CHRM3: variants seen among roughly 807,000 people sequenced by gnomAD.
CHRM3 encodes the protein muscarinic acetylcholine receptor M3.
In CHRM3, 11 loss-of-function variants were observed where a neutral mutation model predicts 41.8. The ratio of observed to expected loss-of-function variants is 0.26; its 90% CI spans 0.17 to 0.44. The LOEUF (loss-of-function observed/expected upper bound fraction) is 0.44, where lower values mean the gene tolerates loss of function less well. Among genes scored for constraint, CHRM3 ranks in the 20% least tolerant of loss-of-function variants. CHRM3 has a pLI of 1.00. For missense variants in CHRM3, 571 were observed against 745.4 expected (o/e 0.77, Z 2.72); for synonymous variants, 297 against 301.4 (o/e 0.99, Z 0.15).
chr1:239,758,879 TGTAA>T (rs1230532375), intron 5 of CHRM3, among the ~76,000 whole-genome samples: 1 of 152,140 alleles, frequency 6.6e-6, no homozygotes, highest in Non-Finnish European at 1.5e-5. Flanking sequence ...GTCACAGAAA[TGTAA>T]GTGAGACAGG....
chr1:239,698,064 A>G (rs1338955318), intron 5 of CHRM3, among the ~76,000 whole-genome samples: 1 of 152,198 alleles, frequency 6.6e-6, no homozygotes, highest in African/African-American at 2.4e-5. Context: ...AGAATTATTC[A>G]TACACAGGAG....
intron 3 of CHRM3, among the ~76,000 whole-genome samples, chr1:239,604,496 G>C (rs994464426): frequency 2.0e-5 from 3 of 152,158 alleles, no homozygotes; most frequent in Non-Finnish European, 2.9e-5. Flanking sequence ...GTATCCCACT[G>C]TATGTCTAGC....
At position 239,585,158 on chromosome 1, in the gene CHRM3, C is replaced by T. The variant is rs141339533; in HGVS notation, c.-313+39409C>T. Among the ~76,000 whole-genome samples, 450 of 151,678 alleles carry T rather than the reference C, an allele frequency of 3.0e-3. 4 individuals carry two copies. Among genetic ancestry groups the T allele is most frequent in the African/African-American group, 0.01 (431 of 41,360 alleles). ...ATATATACTTTTAGGCACATATTCA[C>T]GTGCAAATACAGTTGAGGAGCTTTT... On this transcript the variant is annotated intron_variant, in intron 3 of 6. Coordinates refer to ENST00000676153, the MANE Select transcript of CHRM3 (RefSeq NM_001375978.1).
chr1:239,700,680 G>A lies in CHRM3; in HGVS notation c.-147+22392G>A, dbSNP rs372134701. Among the ~76,000 whole-genome samples the A allele has an allele frequency of 8.5e-5, 13 of 152,210 alleles. No individual in the cohort carries two copies. In the East Asian group the frequency reaches 1.4e-3, roughly 16 times the overall value. Reference sequence around the variant, plus strand: ...AGAGACAGTCATGCACCTGTAGCCCGCAGACTCGTTTTTGGTCCTTGAGTG... The same window carrying A: ...AGAGACAGTCATGCACCTGTAGCCCACAGACTCGTTTTTGGTCCTTGAGTG... On this transcript the variant is annotated intron_variant, in intron 5 of 6. Transcript: ENST00000676153.
chr1:239,905,683 G>A (rs1178443417), intron 6 of CHRM3, among the ~76,000 whole-genome samples: 1 of 152,112 alleles, frequency 6.6e-6, no homozygotes, highest in African/African-American at 2.4e-5. Context: ...TCCAGTCTGG[G>A]CAAGACTCTG....
At chr1:239,757,581 G>A (rs1963402) in intron 5 of CHRM3, among the ~76,000 whole-genome samples, 35,163 of 150,442 alleles carry the variant, frequency 0.23, 5,258 homozygotes, top group Middle Eastern at 0.43. Flanking sequence ...AGTGAGCCGA[G>A]ATCGCGCCAC....
At chr1:239,664,261 T>C (rs1197032555) in intron 4 of CHRM3, among the ~76,000 whole-genome samples, 1 of 152,228 alleles carries the variant, frequency 6.6e-6, no homozygotes, top group East Asian at 1.9e-4. Context: ...TATGAGTGCA[T>C]GTGCATAGCT....
intron 6 of CHRM3, among the ~76,000 whole-genome samples, chr1:239,901,745 C>T (rs1235984019): frequency 6.6e-6 from 1 of 152,054 alleles, no homozygotes; most frequent in Non-Finnish European, 1.5e-5. Context: ...TTTTTGAATT[C>T]ATTTCAAAAC....
chr1:239,454,232 C>G (rs1664763432), intron 1 of CHRM3, among the ~76,000 whole-genome samples: 1 of 152,140 alleles, frequency 6.6e-6, no homozygotes, highest in African/African-American at 2.4e-5. Context: ...CTTCTGATAA[C>G]TATAAATTGG....
chr1:239,661,622 A>G (rs1673197269), intron 4 of CHRM3, among the ~76,000 whole-genome samples: 1 of 152,204 alleles, frequency 6.6e-6, no homozygotes, highest in Non-Finnish European at 1.5e-5. Context: ...AACTGTGGGG[A>G]CAGTAAAATG....
intron 2 of CHRM3, among the ~76,000 whole-genome samples, chr1:239,528,101 G>C (rs1308340780): frequency 6.6e-6 from 1 of 152,172 alleles, no homozygotes; most frequent in Non-Finnish European, 1.5e-5. Flanking sequence ...GTAAGTTTTA[G>C]TAAACGAAAG....
intron 2 of CHRM3, among the ~76,000 whole-genome samples, chr1:239,497,398 A>T (rs1266802076): frequency 6.6e-6 from 1 of 152,110 alleles, no homozygotes; most frequent in Non-Finnish European, 1.5e-5. Flanking sequence ...GCCCCATACC[A>T]CACTGAGGAT....
chr1:239,517,468 A>G (rs2148240233), intron 2 of CHRM3, among the ~76,000 whole-genome samples: 1 of 152,264 alleles, frequency 6.6e-6, no homozygotes. Context: ...TGCCATTCCT[A>G]TGTTTTTCAT....
At chr1:239,680,297 G>A (rs1658434693) in intron 5 of CHRM3, among the ~76,000 whole-genome samples, 1 of 152,074 alleles carries the variant, frequency 6.6e-6, no homozygotes, top group Admixed American at 6.5e-5. Context: ...ATTTATACTA[G>A]GTTGAATGAA....
chr1:239,786,930 T>C (rs986496634), intron 5 of CHRM3, among the ~76,000 whole-genome samples: 1 of 152,096 alleles, frequency 6.6e-6, no homozygotes, highest in Non-Finnish European at 1.5e-5. Flanking sequence ...CTGAAGGACA[T>C]TGTGCAAGCA....
At chr1:239,888,592 T>A in intron 6 of CHRM3, among the ~76,000 whole-genome samples, 1 of 133,842 alleles carries the variant, frequency 7.5e-6, no homozygotes, top group African/African-American at 2.7e-5. Flanking sequence ...AGTGAGACCC[T>A]GTCTCAAAAA....
At chr1:239,430,497 T>G (rs901155970) in intron 1 of CHRM3, among the ~76,000 whole-genome samples, 18 of 152,096 alleles carry the variant, frequency 1.2e-4, no homozygotes, top group African/African-American at 3.6e-4. Context: ...TGTTTTTTCA[T>G]TCATTGGCCA....
At chr1:239,761,293 TAGAG>T (rs1032388945) in intron 5 of CHRM3, among the ~76,000 whole-genome samples, 55 of 152,340 alleles carry the variant, frequency 3.6e-4, no homozygotes, top group African/African-American at 1.2e-3. Context: ...TTCTTCAACA[TAGAG>T]AGAGATTGTG....
intron 5 of CHRM3, among the ~76,000 whole-genome samples, chr1:239,796,639 G>T (rs1208113369): frequency 6.6e-6 from 1 of 152,126 alleles, no homozygotes; most frequent in Non-Finnish European, 1.5e-5. Context: ...TCTCTCTGTT[G>T]TAGGAAAGGC....
Sources: gnomAD v4.1 joint callset for allele counts (sites outside exome capture counted in the v4.1 genomes callset) on GRCh38, gnomAD v4.1.1 for gene constraint, MANE v1.5 for transcripts, NCBI Gene and HGNC (gene_info 2026-07-23, HGNC 2026-07-21) for gene names.